Variants in ESRRG observed in about 807,000 individuals in gnomAD.
The protein encoded by ESRRG is estrogen related receptor gamma, also known as estrogen-related receptor gamma.
In ESRRG, 13 loss-of-function variants were observed where a neutral mutation model predicts 44.0. The ratio of observed to expected loss-of-function variants is 0.30; its 90% CI spans 0.19 to 0.47. ESRRG has a LOEUF of 0.47. Among genes scored for constraint, ESRRG ranks in the 20% least tolerant of loss-of-function variants. The pLI is 1.00. For synonymous variants in ESRRG, 215 were observed against 214.6 expected (o/e 1.00, Z -0.02); for missense variants, 395 against 580.6 (o/e 0.68, Z 3.29).
At chr1:216,614,046 C>A (rs757319922) in intron 3 of ESRRG, among the ~76,000 whole-genome samples, 16 of 152,168 alleles carry the variant, frequency 1.1e-4, no homozygotes, top group Non-Finnish European at 2.2e-4. Flanking sequence ...ACTTCCACAC[C>A]CTGCTTTACA....
At chr1:217,021,074 A>G (rs1325102287) in intron 1 of ESRRG, among the ~76,000 whole-genome samples, 1 of 151,280 alleles carries the variant, frequency 6.6e-6, no homozygotes, top group African/African-American at 2.4e-5. Flanking sequence ...ACACACACAC[A>G]CATACACACA....
intron 1 of ESRRG, among the ~76,000 whole-genome samples, chr1:217,023,432 A>G (rs1326018341): frequency 6.6e-6 from 1 of 152,104 alleles, no homozygotes; most frequent in Non-Finnish European, 1.5e-5. Flanking sequence ...CCCACTTCTT[A>G]TAGGAGAAGT....
intron 1 of ESRRG, chr1:217,078,347 C>T (rs66906598): frequency 0.16 from 24,343 of 152,200 alleles, 2,241 homozygotes; most frequent in Admixed American, 0.22. Flanking sequence ...GGTTGATTTG[C>T]TCCCTGGTTG....
chr1:216,908,311 G>A (rs2059911231), intron 2 of ESRRG, among the ~76,000 whole-genome samples: 1 of 152,200 alleles, frequency 6.6e-6, no homozygotes, highest in South Asian at 2.1e-4. Flanking sequence ...TGCCATGGGA[G>A]TGTTAATCAG....
chr1:216,752,216 A>G (rs1053067563), intron 2 of ESRRG, among the ~76,000 whole-genome samples: 3 of 152,064 alleles, frequency 2.0e-5, no homozygotes, highest in African/African-American at 7.2e-5. Context: ...AAAAATGTAC[A>G]ATTTTTCCTT....
intron 2 of ESRRG, among the ~76,000 whole-genome samples, chr1:216,883,284 C>T (rs146419633): frequency 2.1e-3 from 312 of 147,760 alleles, no homozygotes; most frequent in African/African-American, 7.5e-3. Context: ...AGTTGGGAGG[C>T]AGAGGCAGGA....
chr1:216,829,895 C>T (rs1432020274), intron 2 of ESRRG, among the ~76,000 whole-genome samples: 1 of 152,170 alleles, frequency 6.6e-6, no homozygotes, highest in Non-Finnish European at 1.5e-5. Flanking sequence ...ACTGCCTTCT[C>T]ACCTCAGGAG....
chr1:216,698,908 A>G (rs1422934749), intron 1 of ESRRG, among the ~76,000 whole-genome samples: 2 of 152,042 alleles, frequency 1.3e-5, no homozygotes, highest in Non-Finnish European at 1.5e-5. Flanking sequence ...ACATGTACAT[A>G]TTTCTCTCCA....
intron 3 of ESRRG, among the ~76,000 whole-genome samples, chr1:216,575,494 A>T (rs1288260476): frequency 6.6e-6 from 1 of 152,152 alleles, no homozygotes; most frequent in African/African-American, 2.4e-5. Flanking sequence ...GTGGCCGGTG[A>T]CTAGCAGTCA....
At chr1:216,859,004 G>C (rs956720253) in intron 2 of ESRRG, among the ~76,000 whole-genome samples, 1 of 152,156 alleles carries the variant, frequency 6.6e-6, no homozygotes, top group Admixed American at 6.5e-5. Context: ...ATAAGTCCAT[G>C]TATAATGTTT....
rs76010000 is a variant in ESRRG at position 216,850,294 on chromosome 1, A to G, written c.-14+89288T>C. Among the ~76,000 whole-genome samples the G allele has an allele frequency of 2.7e-3, 404 of 152,264 alleles. 2 individuals carry two copies. The highest frequency in any genetic ancestry group is 9.0e-3 in the African/African-American group (375 of 41,582). Reference sequence around the variant, plus strand: ...TTTTTGCTTTCTACCAATGTTGTCAATATGAAGATACTTTCTAATAAATGC... The same window carrying G: ...TTTTTGCTTTCTACCAATGTTGTCAGTATGAAGATACTTTCTAATAAATGC... On this transcript the variant is annotated intron_variant, in intron 2 of 7. Coordinates refer to the ESRRG transcript ENST00000359162.
intron 2 of ESRRG, among the ~76,000 whole-genome samples, chr1:216,775,700 C>T (rs2093586900): frequency 6.6e-6 from 1 of 151,388 alleles, no homozygotes; most frequent in African/African-American, 2.4e-5. Flanking sequence ...TATAGGTGTG[C>T]ACCACCATGC....
chr1:216,567,044 C>T (rs555275213), intron 4 of ESRRG, among the ~76,000 whole-genome samples: 1 of 152,278 alleles, frequency 6.6e-6, no homozygotes, highest in South Asian at 2.1e-4. Context: ...TTCTCTTCCC[C>T]TGAAGGCAGA....
intron 1 of ESRRG, among the ~76,000 whole-genome samples, chr1:216,978,105 C>T (rs1248734309): frequency 6.6e-6 from 1 of 152,062 alleles, no homozygotes; most frequent in Non-Finnish European, 1.5e-5. Flanking sequence ...AGGAAACAAA[C>T]TAAGACATGG....
intron 1 of ESRRG, among the ~76,000 whole-genome samples, chr1:217,070,531 C>T (rs904373145): frequency 6.6e-6 from 1 of 152,078 alleles, no homozygotes; most frequent in African/African-American, 2.4e-5. Flanking sequence ...TAGGCATGTG[C>T]CACCAGGTCT....
intron 1 of ESRRG, among the ~76,000 whole-genome samples, chr1:217,017,681 A>T (rs907004239): frequency 6.6e-6 from 1 of 152,106 alleles, no homozygotes; most frequent in Non-Finnish European, 1.5e-5. Context: ...GTTTATAGTG[A>T]GTTAAGAATA....
intron 1 of ESRRG, among the ~76,000 whole-genome samples, chr1:216,982,903 T>G (rs2074203932): frequency 6.6e-6 from 1 of 152,172 alleles, no homozygotes; most frequent in South Asian, 2.1e-4. Flanking sequence ...TAATTTTATC[T>G]TCACACACAA....
intron 1 of ESRRG, among the ~76,000 whole-genome samples, chr1:216,991,839 C>A (rs1401147738): frequency 3.3e-5 from 5 of 152,190 alleles, no homozygotes; most frequent in Non-Finnish European, 7.3e-5. Flanking sequence ...AGCATGAATT[C>A]TCCCTAGAAA....
At chr1:216,518,628 C>A (rs1252233940) in intron 6 of ESRRG, among the ~76,000 whole-genome samples, 2 of 152,188 alleles carry the variant, frequency 1.3e-5, no homozygotes, top group South Asian at 2.1e-4. Context: ...AATGTAAAGA[C>A]CAGTTATTCC....
Sources: gnomAD v4.1 joint callset for allele counts (sites outside exome capture counted in the v4.1 genomes callset) on GRCh38, gnomAD v4.1.1 for gene constraint, MANE v1.5 for transcripts, NCBI Gene and HGNC (gene_info 2026-07-23, HGNC 2026-07-21) for gene names.